The following PHF21A variants were observed in gnomAD, a reference collection of about 807,000 sequenced individuals.
PHF21A encodes PHD finger protein 21A.
A neutral mutation model predicts 82.5 loss-of-function variants in PHF21A; 11 were observed. That is an observed-to-expected ratio of 0.13 (90% CI 0.08 to 0.22). The LOEUF (loss-of-function observed/expected upper bound fraction) is 0.22. PHF21A is among the 10% of genes least tolerant of loss of function. The pLI is 1.00. For missense variants in PHF21A, 579 were observed against 837.8 expected (o/e 0.69, Z 3.81); for synonymous variants, 297 against 302.8 (o/e 0.98, Z 0.20).
chr11:46,041,060 T>C (rs1294727448), intron 6 of PHF21A, among the ~76,000 whole-genome samples: 1 of 152,134 alleles, frequency 6.6e-6, no homozygotes, highest in Admixed American at 6.6e-5. Context: ...TGACTTTTCA[T>C]GGTGAATATA....
In PHF21A at chr11:45,938,461, A is replaced by C. The variant is rs1011516035; in HGVS notation, c.1453-149T>G. On this transcript the variant is annotated intron_variant, in intron 15 of 18. Transcript: ENST00000676320. Reference sequence around the variant, plus strand: ...AAGAGAAGCAGGAATCACCAATAGCACATGCCCCTACTCACTCCACATAGC... The same window carrying C: ...AAGAGAAGCAGGAATCACCAATAGCCCATGCCCCTACTCACTCCACATAGC... 2.8e-4 allele frequency: 177 copies of C among 643,412 alleles called. 1 individual carries two copies. In the African/African-American group the frequency reaches 2.8e-3, roughly 10 times the overall value. The allele number at this position is 643,412 out of a possible 1,614,324, so 39.9% of individuals were successfully genotyped here.
At chr11:45,957,035 G>T (rs1363660684) in intron 10 of PHF21A, among the ~76,000 whole-genome samples, 1 of 152,120 alleles carries the variant, frequency 6.6e-6, no homozygotes, top group Admixed American at 6.5e-5. Flanking sequence ...GAGAGACAAA[G>T]AACCTCATTA....
intron 6 of PHF21A, among the ~76,000 whole-genome samples, chr11:45,987,127 T>A (rs535170768): frequency 6.6e-6 from 1 of 152,196 alleles, no homozygotes; most frequent in Admixed American, 6.5e-5. Context: ...ATGCCTGTAG[T>A]CCCAGCTACT....
intron 16 of PHF21A, among the ~76,000 whole-genome samples, chr11:45,937,678 G>A (rs906685037): frequency 3.9e-5 from 6 of 151,982 alleles, no homozygotes; most frequent in South Asian, 2.1e-4. Flanking sequence ...ATGGGGTTTC[G>A]CCATGTTGGC....
chr11:46,100,576 A>G (rs951045159), intron 1 of PHF21A, among the ~76,000 whole-genome samples: 1 of 152,332 alleles, frequency 6.6e-6, no homozygotes, highest in African/African-American at 2.4e-5. Context: ...GGTCCTGTTA[A>G]GTAAGTATAC....
intron 6 of PHF21A, among the ~76,000 whole-genome samples, chr11:45,986,084 A>AAAACACACACACACACACAC (rs1555050364): frequency 7.6e-6 from 1 of 132,202 alleles, no homozygotes; most frequent in African/African-American, 2.8e-5. Context: ...CTTCCTTCAA[A>AAAACACACACACACACACAC]ACACACACAC....
intron 10 of PHF21A, among the ~76,000 whole-genome samples, chr11:45,955,528 C>A (rs532505310): frequency 6.6e-6 from 1 of 152,286 alleles, no homozygotes; most frequent in Non-Finnish European, 1.5e-5. Flanking sequence ...GAGTCTCTTA[C>A]TTCCATTTCT....
In PHF21A at chr11:45,932,580, T is replaced by C. The variant is rs2087765299; in HGVS notation, c.*1388A>G. The stretch of plus-strand genomic sequence containing the variant: ...CGGCATTTTCTCCAGTTCTGACACC[T>C]TTTTAATAGAAATCACTGTTTTTAG... On this transcript the variant is annotated 3_prime_UTR_variant, in exon 19 of 19. Coordinates refer to ENST00000676320, the MANE Select transcript of PHF21A (RefSeq NM_001352027.3). The surrounding 1 kb of genome is among the most constrained non-coding windows in gnomAD (Gnocchi z 4.3). 6.6e-6 allele frequency: 1 copy of C among 152,644 alleles called. No homozygotes were observed. The highest frequency in any genetic ancestry group is 2.1e-4 in the South Asian group (1 of 4,838). 9.5% of individuals were successfully genotyped at this position (152,644 alleles called of 1,614,324 possible).
chr11:46,008,928 C>G (rs1341761214), intron 6 of PHF21A, among the ~76,000 whole-genome samples: 1 of 151,016 alleles, frequency 6.6e-6, no homozygotes, highest in Non-Finnish European at 1.5e-5. Flanking sequence ...TCAGACTGGA[C>G]TCTTCCCTGC....
At chr11:46,027,112 C>T (rs1296176300) in intron 6 of PHF21A, 2 of 152,172 alleles carry the variant, frequency 1.3e-5, no homozygotes, top group Non-Finnish European at 2.9e-5. Flanking sequence ...AATCTAGCAA[C>T]GAGCCTCCCA....
At chr11:45,974,956 AT>A (rs2093957162) in intron 7 of PHF21A, among the ~76,000 whole-genome samples, 1 of 152,122 alleles carries the variant, frequency 6.6e-6, no homozygotes, top group Non-Finnish European at 1.5e-5. Flanking sequence ...AATCCTTTTT[AT>A]TTATTTATTT....
rs535730557 is a variant in PHF21A at position 45,933,643 on chromosome 11, C to A, written c.*325G>T. The A allele has an allele frequency of 4.6e-6, 1 of 215,746 alleles. No homozygotes were observed. The highest frequency in any genetic ancestry group is 2.3e-5 in the African/African-American group (1 of 44,030). 13.4% of individuals were successfully genotyped at this position (215,746 alleles called of 1,614,324 possible). On this transcript the variant is annotated 3_prime_UTR_variant, in exon 19 of 19. Coordinates refer to ENST00000676320, the MANE Select transcript of PHF21A (RefSeq NM_001352027.3). ...CCCAAGAAAACAGAAACAAACCCAT[C>A]GTGGCTGTGGAGGCTGCTGCAGGCA...
intron 7 of PHF21A, among the ~76,000 whole-genome samples, chr11:45,975,937 T>C (rs748229248): frequency 6.6e-6 from 1 of 152,158 alleles, no homozygotes; most frequent in African/African-American, 2.4e-5. Context: ...ATGCCATATA[T>C]AACCTCCCAT....
In PHF21A at chr11:46,108,567, G is replaced by GTGTATA. The variant is rs1555199216; in HGVS notation, c.-237+12367_-237+12368insTATACA. Among the ~76,000 whole-genome samples the GTGTATA allele has an allele frequency of 5.7e-3, 356 of 62,226 alleles. 1 individual carries two copies. Among genetic ancestry groups the GTGTATA allele is most frequent in the Middle Eastern group, 0.012 (1 of 84 alleles). The allele number at this position is 62,226 out of a possible 152,430, so 40.8% of individuals were successfully genotyped here. On this transcript the variant is annotated intron_variant, in intron 1 of 18. Coordinates refer to ENST00000676320, the MANE Select transcript of PHF21A (RefSeq NM_001352027.3). ...AACTTCTTTAAAAATGTGTGTGTGTGTATATATATATATATATATAAAATA... is the reference window on the plus strand; with the variant it reads ...AACTTCTTTAAAAATGTGTGTGTGTGTGTATATATATATATATATATATATAAAATA...
chr11:45,933,890 G>T lies in PHF21A; in HGVS notation c.*78C>A. ...AGAATTCTGCACTTTCCAGAAATCCGGCTTTGCTTTTCTAGAGTCTTCAGT... is the reference window on the plus strand; with the variant it reads ...AGAATTCTGCACTTTCCAGAAATCCTGCTTTGCTTTTCTAGAGTCTTCAGT... On this transcript the variant is annotated 3_prime_UTR_variant, in exon 19 of 19. Transcript: ENST00000676320. The T allele has an allele frequency of 7.5e-7, 1 of 1,340,878 alleles. No homozygotes were observed. The highest frequency in any genetic ancestry group is 1.0e-6 in the Non-Finnish European group (1 of 998,228). 83.1% of individuals were successfully genotyped at this position (1,340,878 alleles called of 1,614,324 possible). A position where few individuals can be genotyped will look rare whatever the true frequency, so the allele number is the denominator to read the frequency against.
chr11:46,044,027 T>C (rs2096210232), intron 6 of PHF21A, among the ~76,000 whole-genome samples: 1 of 152,210 alleles, frequency 6.6e-6, no homozygotes, highest in Non-Finnish European at 1.5e-5. Context: ...AGCTGTAAAT[T>C]TGTTTTTACC....
At chr11:46,046,711 G>A (rs2096262909) in intron 6 of PHF21A, among the ~76,000 whole-genome samples, 2 of 152,154 alleles carry the variant, frequency 1.3e-5, no homozygotes, top group African/African-American at 4.8e-5. Flanking sequence ...GATCTAGGTG[G>A]TAATGCAGAT....
intron 6 of PHF21A, among the ~76,000 whole-genome samples, chr11:46,026,448 A>T (rs1441538758): frequency 6.6e-6 from 1 of 152,144 alleles, no homozygotes; most frequent in Admixed American, 6.5e-5. Context: ...TGTCAAGGTT[A>T]TTTTTATTAA....
At chr11:46,007,917 GTGT>G (rs1378239985) in intron 6 of PHF21A, among the ~76,000 whole-genome samples, 21 of 152,118 alleles carry the variant, frequency 1.4e-4, no homozygotes, top group African/African-American at 4.6e-4. Flanking sequence ...ACAATAATCC[GTGT>G]TGTTATGTTA....
Sources: allele counts gnomAD v4.1 joint callset (sites outside exome capture counted in the v4.1 genomes callset), GRCh38; gene constraint gnomAD v4.1.1; non-coding constraint Gnocchi (gnomAD v3.1); transcripts MANE v1.5; gene names NCBI Gene and HGNC (gene_info 2026-07-23, HGNC 2026-07-21).